The following NBAS variants were observed in gnomAD, a reference collection of about 807,000 sequenced individuals.
The protein encoded by NBAS is NBAS subunit of NRZ tethering complex, also known as NAG/BC035112 fusion.
In NBAS, 219 loss-of-function variants were observed where a neutral mutation model predicts 302.5. The observed-to-expected ratio is 0.72, with a 90% confidence interval of 0.65 to 0.81. The LOEUF is 0.81. Among genes scored for constraint, NBAS ranks in the 30% least tolerant of loss-of-function variants. NBAS has a pLI of 0.00. For synonymous variants in NBAS, 1,118 were observed against 1,021.6 expected (o/e 1.09, Z -1.80); for missense variants, 2,932 against 2,841.6 (o/e 1.03, Z -0.72).
the NBAS span, among the ~76,000 whole-genome samples, chr2:14,936,285 G>T: frequency 6.6e-5 from 10 of 152,218 alleles, no homozygotes; most frequent in African/African-American, 2.4e-4. Context: ...GGCACAAACT[G>T]GCCCAAAGCT....
At chr2:15,288,714 T>C (rs879507141) in intron 41 of NBAS, among the ~76,000 whole-genome samples, 5 of 152,232 alleles carry the variant, frequency 3.3e-5, no homozygotes, top group Admixed American at 6.5e-5. Flanking sequence ...ATGGAATTTT[T>C]AGTTGGAAGA....
At chr2:14,946,398 C>A in the NBAS span, among the ~76,000 whole-genome samples, 22 of 152,064 alleles carry the variant, frequency 1.4e-4, no homozygotes, top group African/African-American at 4.8e-4. Flanking sequence ...CCATACAGGC[C>A]AGGAGTGGGA....
intron 44 of NBAS, among the ~76,000 whole-genome samples, chr2:15,271,673 T>C (rs1413118483): frequency 6.6e-6 from 1 of 152,242 alleles, no homozygotes; most frequent in African/African-American, 2.4e-5. Flanking sequence ...GATGTAGCAG[T>C]ACTAGCTATT....
the NBAS span, among the ~76,000 whole-genome samples, chr2:14,966,798 A>C: frequency 6.6e-6 from 1 of 151,898 alleles, no homozygotes; most frequent in Non-Finnish European, 1.5e-5. Context: ...AGTCCTCTTT[A>C]GGGCAATAAC....
chr2:15,198,849 G>T (rs1019130422), intron 48 of NBAS, among the ~76,000 whole-genome samples: 1 of 152,068 alleles, frequency 6.6e-6, no homozygotes, highest in Non-Finnish European at 1.5e-5. Context: ...AAAATTGGCC[G>T]GGCGCGGTGG....
intron 50 of NBAS, among the ~76,000 whole-genome samples, chr2:15,182,971 A>C (rs934214039): frequency 6.6e-6 from 1 of 152,180 alleles, no homozygotes; most frequent in African/African-American, 2.4e-5. Flanking sequence ...GAGTACTCTT[A>C]AGTACTCTGA....
At chr2:15,311,433 A>T (rs1487338420) in intron 38 of NBAS, among the ~76,000 whole-genome samples, 1 of 152,288 alleles carries the variant, frequency 6.6e-6, no homozygotes, top group African/African-American at 2.4e-5. Context: ...GGCTTGAGTA[A>T]GCAAATTCTT....
intron 9 of NBAS, among the ~76,000 whole-genome samples, chr2:15,514,805 G>C (rs1231192889): frequency 4.6e-5 from 7 of 151,978 alleles, no homozygotes; most frequent in Non-Finnish European, 7.4e-5. Flanking sequence ...TTATGTCCTG[G>C]GTATTGCAAG....
intron 49 of NBAS, among the ~76,000 whole-genome samples, chr2:15,187,837 G>C (rs1393759019): frequency 6.6e-6 from 1 of 152,210 alleles, no homozygotes; most frequent in Non-Finnish European, 1.5e-5. Flanking sequence ...AGAATTTCAA[G>C]TGCAACAGTA....
chr2:15,201,958 C>T lies in NBAS; in HGVS notation c.6433-11555G>A, dbSNP rs550463928. 3.9e-5 allele frequency among the ~76,000 whole-genome samples: 6 copies of T among 152,274 alleles called. No individual in the cohort carries two copies. The South Asian group carries it at 1.2e-3, about 32-fold the overall frequency. On this transcript the variant is annotated intron_variant, in intron 48 of 51. Coordinates refer to ENST00000281513, the MANE Select transcript of NBAS (RefSeq NM_015909.4). Reference sequence around the variant, plus strand: ...GAAGAAAGAGATGAGAAATTGAACTCTTTCCCACTTTTGCTTCTAGGTCTG... The same window carrying T: ...GAAGAAAGAGATGAGAAATTGAACTTTTTCCCACTTTTGCTTCTAGGTCTG...
At chr2:15,557,695 A>G (rs2052437) in intron 2 of NBAS, among the ~76,000 whole-genome samples, 79,472 of 152,010 alleles carry the variant, frequency 0.52, 23,592 homozygotes, top group Non-Finnish European at 0.67. Flanking sequence ...ATGGACTTTG[A>G]AGCCAGAAAG....
At chr2:15,402,698 C>T (rs1369540447) in intron 25 of NBAS, among the ~76,000 whole-genome samples, 4 of 152,166 alleles carry the variant, frequency 2.6e-5, no homozygotes, top group Non-Finnish European at 5.9e-5. Flanking sequence ...AAAGATGTTA[C>T]AACCTATTAC....
chr2:15,561,269 T>G lies in NBAS; in HGVS notation c.36A>C (p.Pro12=). Residue 12 remains proline, a synonymous_variant, in exon 1 of 52, where the codon CCA becomes CCC. Coordinates refer to ENST00000281513, the MANE Select transcript of NBAS (RefSeq NM_015909.4). ...AAPESGPALS[P]GTAEGEEETI... is the part of the protein sequence containing the mutation. ...TCTCCTCCTCACCCTCTGCAGTGCC[T>G]GGACTCAAAGCCGGCCCTGACTCGG... The G allele has an allele frequency of 6.2e-7, 1 of 1,613,890 alleles. No individual in the cohort carries two copies. The highest frequency in any genetic ancestry group is 8.5e-7 in the Non-Finnish European group (1 of 1,180,034).
chr2:14,894,781 G>A, the NBAS span, among the ~76,000 whole-genome samples: 800 of 152,194 alleles, frequency 5.3e-3, 3 homozygotes, highest in African/African-American at 0.018. Flanking sequence ...ATAATAGGCC[G>A]GGCACGGTGG....
chr2:14,807,438 C>T, the NBAS span, among the ~76,000 whole-genome samples: 1 of 135,724 alleles, frequency 7.4e-6, no homozygotes, highest in East Asian at 2.0e-4. Flanking sequence ...GTTTTCAAAT[C>T]CCGTGTGTGT....
chr2:14,918,387 A>G, the NBAS span, among the ~76,000 whole-genome samples: 1 of 152,028 alleles, frequency 6.6e-6, no homozygotes, highest in African/African-American at 2.4e-5. Context: ...GAGTAGAGTT[A>G]GTAGAGCACA....
chr2:14,991,571 C>G, the NBAS span, among the ~76,000 whole-genome samples: 1 of 152,220 alleles, frequency 6.6e-6, no homozygotes, highest in African/African-American at 2.4e-5. Context: ...AGAGCTGTTA[C>G]AACTTTCTGC....
At chr2:15,211,615 T>C (rs749542267) in intron 48 of NBAS, among the ~76,000 whole-genome samples, 3 of 152,196 alleles carry the variant, frequency 2.0e-5, no homozygotes, top group Admixed American at 6.5e-5. Context: ...CGCTTATCCG[T>C]AGGAGGATTG....
At chr2:14,852,486 C>T in the NBAS span, among the ~76,000 whole-genome samples, 1,585 of 102,906 alleles carry the variant, frequency 0.015, 441 homozygotes, top group Non-Finnish European at 0.02. Flanking sequence ...GAATCAATAT[C>T]GTGAAAATGG....
Sources: allele counts gnomAD v4.1 joint callset (sites outside exome capture counted in the v4.1 genomes callset), GRCh38; gene constraint gnomAD v4.1.1; transcripts MANE v1.5; gene names NCBI Gene and HGNC (gene_info 2026-07-23, HGNC 2026-07-21).